SMYD3: variants seen among roughly 807,000 people sequenced by gnomAD.
SMYD3 encodes histone-lysine N-methyltransferase SMYD3.
A neutral mutation model predicts 57.7 loss-of-function variants in SMYD3; 36 were observed. The ratio of observed to expected loss-of-function variants is 0.62; its 90% CI spans 0.48 to 0.82. The LOEUF (loss-of-function observed/expected upper bound fraction) is 0.82, where lower values mean the gene tolerates loss of function less well. Ranked by LOEUF, SMYD3 falls within the 40% of genes least tolerant of loss-of-function variation. SMYD3 has a pLI of 0.00. For synonymous variants in SMYD3, 211 were observed against 195.0 expected, an observed-to-expected ratio of 1.08 and a Z score of -0.68; for missense variants, 515 against 538.8, an observed-to-expected ratio of 0.96 and a Z score of 0.44.
chr1:245,945,114 C>T (rs1209857819), intron 5 of SMYD3, among the ~76,000 whole-genome samples: 2 of 152,046 alleles, frequency 1.3e-5, no homozygotes, highest in Admixed American at 6.6e-5. Context: ...AAAGCAATTG[C>T]AACAAAAGCA....
At chr1:246,235,555 C>G (rs59321243) in intron 5 of SMYD3, among the ~76,000 whole-genome samples, 3,743 of 152,140 alleles carry the variant, frequency 0.025, 144 homozygotes, top group African/African-American at 0.085. Flanking sequence ...GGTAGACAGA[C>G]AAAAAGACAT....
chr1:245,930,157 C>A, intron 5 of SMYD3: 2 of 493,180 alleles, frequency 4.1e-6, no homozygotes, highest in Non-Finnish European at 3.8e-6. Context: ...TACCAACCTC[C>A]TGGGAGAAAA....
Position 246,411,503 on chromosome 1 carries a change from C to T in SMYD3, c.165-56409G>A, listed in dbSNP as rs2066967783. ...TATACCCAAAGGATTATAAATCATG[C>T]TGCTATAAAGACACACGCACACATA... On this transcript the variant is annotated intron_variant, in intron 1 of 11. Coordinates refer to ENST00000490107, the MANE Select transcript of SMYD3 (RefSeq NM_001167740.2). Among the ~76,000 whole-genome samples the T allele has an allele frequency of 3.3e-5, 5 of 152,238 alleles. No homozygotes were observed. In the South Asian group the frequency reaches 1.0e-3, roughly 32 times the overall value.
chr1:246,405,903 C>A (rs2066856181), intron 1 of SMYD3, among the ~76,000 whole-genome samples: 1 of 116,430 alleles, frequency 8.6e-6, no homozygotes, highest in Non-Finnish European at 1.7e-5. Flanking sequence ...GAGCAAGACT[C>A]TGTCTCAAAA....
chr1:246,198,546 A>G (rs2062860586), intron 5 of SMYD3, among the ~76,000 whole-genome samples: 1 of 152,212 alleles, frequency 6.6e-6, no homozygotes, highest in Non-Finnish European at 1.5e-5. Context: ...TCTACATGTT[A>G]AAAGATTTAC....
chr1:245,875,774 C>T (rs1042018659), intron 8 of SMYD3, among the ~76,000 whole-genome samples: 1 of 152,226 alleles, frequency 6.6e-6, no homozygotes, highest in Non-Finnish European at 1.5e-5. Flanking sequence ...ACAGCCCTAG[C>T]TGTTTGCCTT....
intron 10 of SMYD3, among the ~76,000 whole-genome samples, chr1:245,797,121 T>A (rs2047557244): frequency 6.6e-6 from 1 of 152,178 alleles, no homozygotes; most frequent in Non-Finnish European, 1.5e-5. Context: ...AATTGTGAGA[T>A]ACAGAATATG....
chr1:245,838,325 C>A (rs1219950775), intron 10 of SMYD3, among the ~76,000 whole-genome samples: 2 of 152,194 alleles, frequency 1.3e-5, no homozygotes, highest in Admixed American at 1.3e-4. Context: ...TAACCCAGGT[C>A]CTGCACCGTT....
At chr1:245,778,489 G>A (rs979346823) in intron 10 of SMYD3, among the ~76,000 whole-genome samples, 1 of 152,118 alleles carries the variant, frequency 6.6e-6, no homozygotes, top group Admixed American at 6.5e-5. Context: ...ATCCATCCCA[G>A]TGGGTGTGAA....
chr1:246,330,440 T>C (rs2065439521), intron 4 of SMYD3, 40 bp downstream of exon 4: 1 of 1,493,054 alleles, frequency 6.7e-7, no homozygotes, highest in South Asian at 1.4e-5. Flanking sequence ...GCAAACAAAT[T>C]ATAGAAACTT....
intron 1 of SMYD3, among the ~76,000 whole-genome samples, chr1:246,447,538 C>A (rs556419142): frequency 6.6e-6 from 1 of 152,194 alleles, no homozygotes; most frequent in African/African-American, 2.4e-5. Context: ...TCAGAGGCCA[C>A]GCACCTGAAG....
Position 246,278,799 on chromosome 1 carries a change from A to G in SMYD3, c.531+48402T>C, listed in dbSNP as rs563570770. Among the ~76,000 whole-genome samples, 26 of 152,364 alleles carry G rather than the reference A, an allele frequency of 1.7e-4. No homozygotes were observed. The South Asian group carries it at 5.0e-3, about 29-fold the overall frequency. On this transcript the variant is annotated intron_variant, in intron 5 of 11. Coordinates refer to ENST00000490107, the MANE Select transcript of SMYD3 (RefSeq NM_001167740.2). ...AAAAATATATGCTGCTTTAGGCCAC[A>G]AAGTATGTGATAATTCATTATACAA...
At chr1:245,934,310 C>T (rs1538297) in intron 5 of SMYD3, among the ~76,000 whole-genome samples, 151,023 of 152,328 alleles carry the variant, frequency 0.99, 74,884 homozygotes, top group Middle Eastern at 1. Context: ...CACTACATAA[C>T]TGCCTCTGCC....
intron 5 of SMYD3, among the ~76,000 whole-genome samples, chr1:246,087,939 C>A (rs1433683322): frequency 6.6e-6 from 1 of 152,056 alleles, no homozygotes; most frequent in African/African-American, 2.4e-5. Context: ...TTATTTTTAT[C>A]TAGTTGCACA....
At chr1:246,248,631 C>CTTGTTTT (rs1309872022) in intron 5 of SMYD3, among the ~76,000 whole-genome samples, 7,393 of 118,540 alleles carry the variant, frequency 0.062, 906 homozygotes, top group East Asian at 0.34. Context: ...AGCTCTCTGA[C>CTTGTTTT]TTTCCTTTTT....
intron 5 of SMYD3, among the ~76,000 whole-genome samples, chr1:246,316,545 T>G (rs541923134): frequency 1.6e-3 from 223 of 140,334 alleles, no homozygotes; most frequent in Non-Finnish European, 2.5e-3. Context: ...GTTTTGGTTT[T>G]TTTTTTTTTT....
intron 5 of SMYD3, among the ~76,000 whole-genome samples, chr1:246,275,146 C>G (rs1048874648): frequency 6.6e-6 from 1 of 152,170 alleles, no homozygotes; most frequent in Admixed American, 6.5e-5. Context: ...AAATACAATG[C>G]GCAAGAGCAG....
chr1:245,777,895 A>G (rs1369812221), intron 10 of SMYD3, among the ~76,000 whole-genome samples: 1 of 152,226 alleles, frequency 6.6e-6, no homozygotes, highest in Non-Finnish European at 1.5e-5. Context: ...GAATGCAGTT[A>G]TAACACATTA....
chr1:246,193,233 C>T (rs1400308856), intron 5 of SMYD3, among the ~76,000 whole-genome samples: 1 of 152,102 alleles, frequency 6.6e-6, no homozygotes, highest in African/African-American at 2.4e-5. Context: ...TTGGTAGAAA[C>T]ATACAGATCT....
Sources: allele counts gnomAD v4.1 joint callset (sites outside exome capture counted in the v4.1 genomes callset), GRCh38; gene constraint gnomAD v4.1.1; transcripts MANE v1.5; gene names NCBI Gene and HGNC (gene_info 2026-07-23, HGNC 2026-07-21).